Variants in IL23R observed in about 807,000 individuals in gnomAD.
IL23R encodes the protein interleukin-23 receptor.
Under a neutral mutation model 56.9 loss-of-function variants are expected in IL23R, and 34 were observed. That is an observed-to-expected ratio of 0.60 (90% confidence interval 0.45 to 0.80). The LOEUF (loss-of-function observed/expected upper bound fraction) is 0.80, where lower values mean the gene tolerates loss of function less well. Among genes scored for constraint, IL23R ranks in the 30% least tolerant of loss-of-function variants. The pLI is 0.00. For synonymous variants in IL23R, 230 were observed against 249.2 expected, an observed-to-expected ratio of 0.92 and a Z score of 0.73; for missense variants, 635 against 730.0, an observed-to-expected ratio of 0.87 and a Z score of 1.50.
chr1:67,236,639 AG>A (rs1353931452), intron 7 of IL23R, 73 bp from the exon 8 acceptor site: 1 of 915,756 alleles, frequency 1.1e-6, no homozygotes, highest in African/African-American at 1.6e-5. Flanking sequence ...AAACAAGGGA[AG>A]AAACTCCGTT....
chr1:67,225,378 G>GT (rs1469064668), intron 7 of IL23R, among the ~76,000 whole-genome samples: 1 of 152,136 alleles, frequency 6.6e-6, no homozygotes, highest in African/African-American at 2.4e-5. Context: ...TAAAGGATAG[G>GT]TAAAAAAGGC....
intron 3 of IL23R, among the ~76,000 whole-genome samples, chr1:67,173,132 A>G (rs1341703159): frequency 1.3e-5 from 2 of 152,142 alleles, no homozygotes; most frequent in Non-Finnish European, 2.9e-5. Flanking sequence ...ACCTCAGAGT[A>G]TTCTCTAGTA....
At chr1:67,207,208 T>C (rs1187142998) in intron 6 of IL23R, 153 bp downstream of exon 6, 1 of 892,302 alleles carries the variant, frequency 1.1e-6, no homozygotes, top group East Asian at 2.6e-5. Flanking sequence ...GTTTTATAAT[T>C]TCAACTTTTA....
chr1:67,181,444 A>T (rs1292267857), intron 3 of IL23R, among the ~76,000 whole-genome samples: 1 of 151,844 alleles, frequency 6.6e-6, no homozygotes, highest in Non-Finnish European at 1.5e-5. Context: ...AGGCTTGTGC[A>T]TTCATCATGT....
intron 1 of IL23R, among the ~76,000 whole-genome samples, chr1:67,161,313 T>A (rs1167537470): frequency 1.3e-5 from 2 of 152,200 alleles, no homozygotes; most frequent in African/African-American, 4.8e-5. Context: ...TTCCTTGAAG[T>A]TTTTCTTGTC....
Position 67,258,797 on chromosome 1 carries a change from A to G in IL23R, c.1559A>G (p.Asn520Ser). The G allele has an allele frequency of 2.5e-6, 4 of 1,611,294 alleles. No individual in the cohort carries two copies. Among genetic ancestry groups the G allele is most frequent in the Non-Finnish European group, 3.4e-6 (4 of 1,177,806 alleles). Residue 520 changes from asparagine to serine, a missense_variant, in exon 11 of 11, where the codon AAT becomes AGT. Transcript: ENST00000347310. ...CCAGTTGATTCCTTAGACTCAGGAA[A>G]TAATCCCAGGTTACAAAAGCATCCT... ...KPPVDSLDSG[N>S]NPRLQKHPNF...
chr1:67,243,454 C>G (rs1460768326), intron 9 of IL23R, among the ~76,000 whole-genome samples: 3 of 151,992 alleles, frequency 2.0e-5, no homozygotes, highest in Non-Finnish European at 4.4e-5. Context: ...TGCTATCCCT[C>G]CCCCAGCCTC....
At chr1:67,227,817 T>A (rs1027562473) in intron 7 of IL23R, among the ~76,000 whole-genome samples, 1 of 152,192 alleles carries the variant, frequency 6.6e-6, no homozygotes, top group African/African-American at 2.4e-5. Context: ...AGACTTTTCA[T>A]TTGGGTTTAA....
intron 9 of IL23R, among the ~76,000 whole-genome samples, chr1:67,252,471 C>G (rs902939256): frequency 6.6e-6 from 1 of 152,120 alleles, no homozygotes; most frequent in Non-Finnish European, 1.5e-5. Context: ...CAGTTTGGAA[C>G]AGGAATTTGC....
At chr1:67,188,860 G>T (rs542351563) in intron 4 of IL23R, among the ~76,000 whole-genome samples, 18 of 152,112 alleles carry the variant, frequency 1.2e-4, no homozygotes, top group South Asian at 4.2e-4. Flanking sequence ...CTTTCTAAAG[G>T]CCCCACCTCT....
intron 7 of IL23R, among the ~76,000 whole-genome samples, chr1:67,235,675 G>T (rs1651427267): frequency 6.6e-6 from 1 of 152,160 alleles, no homozygotes; most frequent in Non-Finnish European, 1.5e-5. Flanking sequence ...TTACAGGCAT[G>T]AGCCACTGTG....
chr1:67,156,777 C>A (rs1286736439), intron 1 of IL23R, among the ~76,000 whole-genome samples: 1 of 152,176 alleles, frequency 6.6e-6, no homozygotes, highest in African/African-American at 2.4e-5. Context: ...TGAGCGAGAC[C>A]ACTTGGCTCC....
upstream of IL23R, among the ~76,000 whole-genome samples, chr1:67,164,306 G>A (rs1026943096): frequency 9.2e-5 from 14 of 152,168 alleles, no homozygotes; most frequent in African/African-American, 3.4e-4. Context: ...GACCAGCCTG[G>A]CCAACATGGT....
At position 67,160,137 on chromosome 1, in the gene IL23R, G is replaced by A. The variant is rs1646805693; in HGVS notation, c.-633-7955G>A. ...AAAAGTGTTGGGATTACAGGCATGAGCCACCGCGCCCAGCCTGGTACGTTC... is the reference window on the plus strand; with the variant it reads ...AAAAGTGTTGGGATTACAGGCATGAACCACCGCGCCCAGCCTGGTACGTTC... On this transcript the variant is annotated intron_variant, in intron 1 of 10. Transcript: ENST00000637002. Among the ~76,000 whole-genome samples the A allele has an allele frequency of 2.0e-5, 3 of 152,084 alleles. No individual in the cohort carries two copies. The South Asian group carries it at 6.2e-4, about 32-fold the overall frequency.
intron 4 of IL23R, among the ~76,000 whole-genome samples, chr1:67,200,335 T>A (rs1648526889): frequency 6.6e-6 from 1 of 151,916 alleles, no homozygotes; most frequent in Non-Finnish European, 1.5e-5. Context: ...AGCCATAAAT[T>A]CTAATTTTTT....
the IL23R span, among the ~76,000 whole-genome samples, chr1:67,265,752 A>G: frequency 6.6e-6 from 1 of 152,098 alleles, no homozygotes; most frequent in Admixed American, 6.5e-5. Flanking sequence ...AATCATTTAC[A>G]TTTTGCAGCC....
At chr1:67,177,119 T>C (rs1200513455) in intron 3 of IL23R, among the ~76,000 whole-genome samples, 1 of 152,212 alleles carries the variant, frequency 6.6e-6, no homozygotes. Context: ...TTATAATCCT[T>C]TGGGTATATA....
At chr1:67,228,363 C>CT (rs78083258) in intron 7 of IL23R, among the ~76,000 whole-genome samples, 10,904 of 105,700 alleles carry the variant, frequency 0.1, 894 homozygotes, top group Non-Finnish European at 0.13. Flanking sequence ...TTTTTTCTTC[C>CT]TTTTTTTTTT....
intron 7 of IL23R, among the ~76,000 whole-genome samples, chr1:67,222,158 C>T (rs1650323161): frequency 1.6e-5 from 2 of 123,848 alleles, no homozygotes; most frequent in African/African-American, 3.3e-5. Flanking sequence ...GCTCTTTTGC[C>T]CAGCCTGAGG....
Sources: gnomAD v4.1 joint callset for allele counts (sites outside exome capture counted in the v4.1 genomes callset) on GRCh38, gnomAD v4.1.1 for gene constraint, MANE v1.5 for transcripts, NCBI Gene and HGNC (gene_info 2026-07-23, HGNC 2026-07-21) for gene names.